The following UGT1A8 variants were observed in gnomAD, a reference collection of about 807,000 sequenced individuals.
UGT1A8 encodes the protein UDP-glucuronosyltransferase 1A8.
A neutral mutation model predicts 45.3 loss-of-function variants in UGT1A8; 39 were observed. The ratio of observed to expected loss-of-function variants is 0.86; its 90% CI spans 0.67 to 1.12. The LOEUF (loss-of-function observed/expected upper bound fraction) is 1.12. UGT1A8 is among the 50% of genes most tolerant of loss of function. The pLI is 0.00. For synonymous variants in UGT1A8, 275 were observed against 249.2 expected, an observed-to-expected ratio of 1.10 and a Z score of -0.97; for missense variants, 719 against 664.9, an observed-to-expected ratio of 1.08 and a Z score of -0.90.
chr2:233,755,452 CTGGCCCTGCTCTCTGTGAGGCTCTGTG>C (rs1695924346), intron 1 of UGT1A8: 1 of 306,254 alleles, frequency 3.3e-6, no homozygotes, highest in Admixed American at 4.3e-5. Flanking sequence ...GCTCCTGGGA[CTGGCCCTGCTCTCTGTGAGGCTCTGTG>C]AGGCCCTGTG....
At chr2:233,672,672 C>T in intron 1 of UGT1A8, 2 of 1,613,900 alleles carry the variant, frequency 1.2e-6, no homozygotes, top group Non-Finnish European at 1.7e-6. Context: ...ATCTCTACAG[C>T]CACACATCAA....
At chr2:233,713,744 T>C (rs137952543) in intron 1 of UGT1A8, 2 of 1,613,956 alleles carry the variant, frequency 1.2e-6, no homozygotes, top group African/African-American at 1.3e-5. Flanking sequence ...TTGTCAGCCA[T>C]GCATCTGTGT....
At chr2:233,726,222 A>G (rs532622558) in intron 1 of UGT1A8, among the ~76,000 whole-genome samples, 1 of 152,320 alleles carries the variant, frequency 6.6e-6, no homozygotes, top group East Asian at 1.9e-4. Flanking sequence ...TTTAGAAAAC[A>G]TTTTTTAAAA....
Position 233,761,237 on chromosome 2 carries a change from G to A in UGT1A8, c.856-5797G>A, listed in dbSNP as rs1002651373. 1.9e-6 allele frequency: 3 copies of A among 1,612,296 alleles called. No homozygotes were observed. The African/African-American group carries it at 4.0e-5, about 22-fold the overall frequency. Reference sequence around the variant, plus strand: ...GATTAACTAGCCCCAGATATATGCTGAGCAAGCATTCTGAGATAATTTAAA... The same window carrying A: ...GATTAACTAGCCCCAGATATATGCTAAGCAAGCATTCTGAGATAATTTAAA... On this transcript the variant is annotated intron_variant, in intron 1 of 4. Coordinates refer to ENST00000373450, the MANE Select transcript of UGT1A8 (RefSeq NM_019076.5).
chr2:233,711,162 G>A (rs2076166614), intron 1 of UGT1A8, among the ~76,000 whole-genome samples: 1 of 152,150 alleles, frequency 6.6e-6, no homozygotes, highest in African/African-American at 2.4e-5. Flanking sequence ...CCTATTTCCT[G>A]GGCACCAGGA....
Position 233,730,113 on chromosome 2 carries a change from C to T in UGT1A8, c.856-36921C>T, listed in dbSNP as rs1287163438. 3 of 1,563,380 alleles carry T rather than the reference C, an allele frequency of 1.9e-6. No homozygotes were observed. In the African/African-American group the frequency reaches 4.1e-5, roughly 21 times the overall value. ...TTCCAAATATTTCATTTCTGCTTCTCCTTGTCATAATAGCCTTCAGTGAGA... is the reference window on the plus strand; with the variant it reads ...TTCCAAATATTTCATTTCTGCTTCTTCTTGTCATAATAGCCTTCAGTGAGA... On this transcript the variant is annotated intron_variant, in intron 1 of 4. Coordinates refer to ENST00000373450, the MANE Select transcript of UGT1A8 (RefSeq NM_019076.5).
At chr2:233,657,258 T>A (rs2073876059) in intron 1 of UGT1A8, among the ~76,000 whole-genome samples, 1 of 152,172 alleles carries the variant, frequency 6.6e-6, no homozygotes, top group Non-Finnish European at 1.5e-5. Flanking sequence ...GGCGGTTTAG[T>A]TTTTTTGTGT....
At chr2:233,655,754 G>C in intron 1 of UGT1A8, among the ~76,000 whole-genome samples, 1 of 152,152 alleles carries the variant, frequency 6.6e-6, no homozygotes, top group South Asian at 2.1e-4. Flanking sequence ...GAGGTTCACA[G>C]AGCCCCATCC....
intron 1 of UGT1A8, among the ~76,000 whole-genome samples, chr2:233,652,717 G>T (rs531358664): frequency 6.6e-6 from 1 of 152,288 alleles, no homozygotes; most frequent in South Asian, 2.1e-4. Flanking sequence ...CTGTTCAAAT[G>T]GGAAAGAATA....
intron 1 of UGT1A8, among the ~76,000 whole-genome samples, chr2:233,651,400 A>G (rs2073737896): frequency 6.6e-6 from 1 of 152,126 alleles, no homozygotes; most frequent in Non-Finnish European, 1.5e-5. Flanking sequence ...ATATCATTTT[A>G]TATATTTTTG....
chr2:233,682,875 T>A, intron 1 of UGT1A8: 2 of 1,520,762 alleles, frequency 1.3e-6, no homozygotes, highest in Non-Finnish European at 1.8e-6. Context: ...AATTTATCAT[T>A]TACATTTGTC....
intron 1 of UGT1A8, among the ~76,000 whole-genome samples, chr2:233,632,764 A>G (rs1489955261): frequency 2.0e-5 from 3 of 152,198 alleles, no homozygotes; most frequent in Admixed American, 2.0e-4. Flanking sequence ...ATATACAATC[A>G]TGTCATCTGC....
At chr2:233,712,194 G>T (rs796216388) in intron 1 of UGT1A8, among the ~76,000 whole-genome samples, 1 of 152,168 alleles carries the variant, frequency 6.6e-6, no homozygotes, top group Non-Finnish European at 1.5e-5. Context: ...CAGCTCCCCC[G>T]GTCCCTTGGT....
intron 1 of UGT1A8, among the ~76,000 whole-genome samples, chr2:233,621,040 T>G (rs1317230961): frequency 6.6e-6 from 1 of 152,126 alleles, no homozygotes; most frequent in Non-Finnish European, 1.5e-5. Flanking sequence ...CTTGAAGATC[T>G]CCTGTAACAA....
At chr2:233,686,748 C>A (rs2074802861) in intron 1 of UGT1A8, among the ~76,000 whole-genome samples, 1 of 152,194 alleles carries the variant, frequency 6.6e-6, no homozygotes, top group Admixed American at 6.5e-5. Flanking sequence ...CTTCCCTAGC[C>A]TCACTGGCTT....
intron 1 of UGT1A8, among the ~76,000 whole-genome samples, chr2:233,664,239 T>C (rs2074031771): frequency 6.6e-6 from 1 of 152,158 alleles, no homozygotes; most frequent in South Asian, 2.1e-4. Flanking sequence ...AACCAGTCTC[T>C]AAGAAGGTCC....
At chr2:233,752,262 A>T (rs1694925315) in intron 1 of UGT1A8, 1 of 152,020 alleles carries the variant, frequency 6.6e-6, no homozygotes. Context: ...TGGTCACAGG[A>T]CTCCAGGTCT....
chr2:233,660,082 CT>C (rs1559328796), intron 1 of UGT1A8, among the ~76,000 whole-genome samples: 1 of 152,330 alleles, frequency 6.6e-6, no homozygotes, highest in African/African-American at 2.4e-5. Context: ...CCTTGATTGG[CT>C]CTGTTTTAAG....
chr2:233,716,480 G>A (rs17863792), intron 1 of UGT1A8, among the ~76,000 whole-genome samples: 15,444 of 151,946 alleles, frequency 0.1, 900 homozygotes, highest in East Asian at 0.2. Context: ...TCTGTCCTCC[G>A]TAGTCTTCTA....
Sources: allele counts gnomAD v4.1 joint callset (sites outside exome capture counted in the v4.1 genomes callset), GRCh38; gene constraint gnomAD v4.1.1; transcripts MANE v1.5; gene names NCBI Gene and HGNC (gene_info 2026-07-23, HGNC 2026-07-21).